The following RASGRF2 variants were observed in gnomAD, a reference collection of about 807,000 sequenced individuals.
RASGRF2 encodes Ras protein specific guanine nucleotide releasing factor 2.
In RASGRF2, 76 loss-of-function variants were observed where a neutral mutation model predicts 151.0. The observed-to-expected ratio is 0.50, with a 90% CI of 0.42 to 0.61. The LOEUF (loss-of-function observed/expected upper bound fraction) is 0.61, where lower values mean the gene tolerates loss of function less well. Ranked by LOEUF, RASGRF2 falls within the 20% of genes least tolerant of loss-of-function variation. RASGRF2 has a pLI of 0.00. For synonymous variants in RASGRF2, 504 were observed against 566.5 expected, an observed-to-expected ratio of 0.89 and a Z score of 1.57; for missense variants, 1,148 against 1,564.6, an observed-to-expected ratio of 0.73 and a Z score of 4.49.
chr5:81,158,632 A>C (rs1031070016), intron 17 of RASGRF2, among the ~76,000 whole-genome samples: 2 of 152,222 alleles, frequency 1.3e-5, no homozygotes, highest in African/African-American at 4.8e-5. Context: ...GAGAAAAAAG[A>C]AAAAATGGGT....
chr5:81,187,155 A>C (rs532610970), intron 18 of RASGRF2, among the ~76,000 whole-genome samples: 69 of 152,278 alleles, frequency 4.5e-4, no homozygotes, highest in African/African-American at 1.7e-3. Context: ...CTAAGTCTCA[A>C]AGGGGTTTAG....
At chr5:81,174,136 A>G (rs1006841502) in intron 17 of RASGRF2, among the ~76,000 whole-genome samples, 27 of 152,242 alleles carry the variant, frequency 1.8e-4, no homozygotes, top group African/African-American at 6.5e-4. Context: ...TGAATGAGAA[A>G]AACCAAGGAG....
At chr5:81,162,305 G>C (rs1026418037) in intron 17 of RASGRF2, among the ~76,000 whole-genome samples, 1 of 151,854 alleles carries the variant, frequency 6.6e-6, no homozygotes, top group Admixed American at 6.6e-5. Context: ...CTCTGGGGCT[G>C]GTACCTCTAA....
Position 81,167,601 on chromosome 5 carries a change from A to C in RASGRF2, c.2687-12574A>C, listed in dbSNP as rs535909678. ...CTCGCTGGGCTTTCTGTAAGTTCCAACGCAGGGCACAGAATTGAAAATGGA... is the reference window on the plus strand; with the variant it reads ...CTCGCTGGGCTTTCTGTAAGTTCCACCGCAGGGCACAGAATTGAAAATGGA... On this transcript the variant is annotated intron_variant, in intron 17 of 26. Transcript: ENST00000265080. 3.9e-5 allele frequency among the ~76,000 whole-genome samples: 6 copies of C among 152,264 alleles called. No individual in the cohort carries two copies. The South Asian group carries it at 1.2e-3, about 32-fold the overall frequency.
intron 1 of RASGRF2, among the ~76,000 whole-genome samples, chr5:80,994,002 G>T (rs1183225462): frequency 6.6e-6 from 1 of 151,978 alleles, no homozygotes; most frequent in South Asian, 2.1e-4. Context: ...CAAATGCTTT[G>T]AGTCTTTCCT....
intron 21 of RASGRF2, 34 bp from the exon 22 acceptor site, chr5:81,208,320 T>G (rs1157707103): frequency 6.4e-7 from 1 of 1,570,812 alleles, no homozygotes; most frequent in South Asian, 1.1e-5. Flanking sequence ...TTTTAAAAAC[T>G]TAATTGGTTT....
chr5:81,155,872 C>G (rs997541450), intron 17 of RASGRF2, among the ~76,000 whole-genome samples: 1 of 152,066 alleles, frequency 6.6e-6, no homozygotes, highest in Non-Finnish European at 1.5e-5. Context: ...ACTTAGGGCT[C>G]GGGCTAGTTT....
At chr5:81,048,108 A>T (rs11954480) in intron 2 of RASGRF2, among the ~76,000 whole-genome samples, 83 of 152,364 alleles carry the variant, frequency 5.4e-4, no homozygotes, top group African/African-American at 1.8e-3. Flanking sequence ...GTGATGACAT[A>T]GAAAAGCTGA....
At chr5:81,180,406 TAGGA>T in intron 18 of RASGRF2, 125 bp downstream of exon 18, 2 of 641,668 alleles carry the variant, frequency 3.1e-6, no homozygotes, top group East Asian at 2.8e-5. Context: ...CACTGGAACT[TAGGA>T]AGGGAAGAAA....
At chr5:81,155,411 G>A (rs1408394018) in intron 17 of RASGRF2, among the ~76,000 whole-genome samples, 3 of 152,054 alleles carry the variant, frequency 2.0e-5, no homozygotes, top group African/African-American at 7.2e-5. Flanking sequence ...AAAGCCAAAA[G>A]TGCTGCTTAA....
At chr5:81,073,643 G>A (rs1410673688) in intron 5 of RASGRF2, among the ~76,000 whole-genome samples, 191 bp downstream of exon 5, 1 of 151,526 alleles carries the variant, frequency 6.6e-6, no homozygotes, top group Non-Finnish European at 1.5e-5. Flanking sequence ...TTTTGAGATG[G>A]AGTCTTGCTC....
chr5:81,005,276 TGGC>T (rs1274374018), intron 1 of RASGRF2, among the ~76,000 whole-genome samples: 2 of 152,136 alleles, frequency 1.3e-5, no homozygotes, highest in African/African-American at 2.4e-5. Flanking sequence ...CCGACAATCA[TGGC>T]GGAAGGGGAA....
rs7729264 is a variant in RASGRF2 at position 81,110,060 on chromosome 5, C to G, written c.1838+982C>G. 5.8e-3 allele frequency among the ~76,000 whole-genome samples: 884 copies of G among 152,266 alleles called. 16 individuals carry two copies. The highest frequency in any genetic ancestry group is 0.02 in the African/African-American group (819 of 41,544). ...GCAATCTCTGTTCCTTCTGATGGCT[C>G]TATTCTTCCCTGAAGTTTGTATTCC... On this transcript the variant is annotated intron_variant, in intron 13 of 26. Transcript: ENST00000265080.
intron 2 of RASGRF2, among the ~76,000 whole-genome samples, chr5:81,062,238 G>A (rs1751466586): frequency 6.6e-6 from 1 of 152,082 alleles, no homozygotes; most frequent in Non-Finnish European, 1.5e-5. Context: ...TAGCCAGTGT[G>A]ATTGATTCTC....
Position 81,123,843 on chromosome 5 carries a change from T to C in RASGRF2, c.2596+76T>C, listed in dbSNP as rs1753381328. ...GCTTCTGAACCTTTCCTTTGCCTAA[T>C]TGTTTCACTGCCAAAATAATTTTTT... On this transcript the variant is annotated intron_variant, in intron 16 of 26. Transcript: ENST00000265080. The C allele has an allele frequency of 4.8e-6, 7 of 1,457,610 alleles. No homozygotes were observed. In the African/African-American group the frequency reaches 8.6e-5, roughly 18 times the overall value. The allele number at this position is 1,457,610 out of a possible 1,614,324, so 90.3% of individuals were successfully genotyped here. A position where few individuals can be genotyped will look rare whatever the true frequency, so the allele number is the denominator to read the frequency against.
intron 1 of RASGRF2, among the ~76,000 whole-genome samples, chr5:80,973,188 T>G (rs1364963474): frequency 6.6e-6 from 1 of 152,146 alleles, no homozygotes; most frequent in African/African-American, 2.4e-5. Flanking sequence ...ATAGATCAAA[T>G]TGTGGTTAAA....
At chr5:81,015,962 C>G (rs1263940794) in intron 1 of RASGRF2, among the ~76,000 whole-genome samples, 2 of 152,006 alleles carry the variant, frequency 1.3e-5, no homozygotes, top group African/African-American at 4.8e-5. Flanking sequence ...TGATGATTAC[C>G]AATATAAACC....
chr5:81,054,309 G>A (rs1345572785), intron 2 of RASGRF2, among the ~76,000 whole-genome samples: 2 of 151,784 alleles, frequency 1.3e-5, no homozygotes, highest in Non-Finnish European at 2.9e-5. Flanking sequence ...TGTATAAGGT[G>A]TAAGGAAGGG....
At chr5:81,067,097 C>T (rs894723482) in intron 2 of RASGRF2, among the ~76,000 whole-genome samples, 1 of 152,194 alleles carries the variant, frequency 6.6e-6, no homozygotes, top group Admixed American at 6.5e-5. Flanking sequence ...GATCTGAGGT[C>T]AGTACTTCGC....
Sources: gnomAD v4.1 joint callset for allele counts (sites outside exome capture counted in the v4.1 genomes callset) on GRCh38, gnomAD v4.1.1 for gene constraint, MANE v1.5 for transcripts, NCBI Gene and HGNC (gene_info 2026-07-23, HGNC 2026-07-21) for gene names.